The following WDR47 variants were observed in gnomAD, a reference collection of about 807,000 sequenced individuals.
WDR47 encodes the protein WD repeat domain 47, also known as WD repeat-containing protein 47.
In WDR47, 32 loss-of-function variants were observed where a neutral mutation model predicts 97.2. That is an observed-to-expected ratio of 0.33 (90% CI 0.25 to 0.44). The LOEUF is 0.44. WDR47 is among the 20% of genes least tolerant of loss of function. The pLI is 1.00. For synonymous variants in WDR47, 375 were observed against 373.5 expected (o/e 1.00, Z -0.05); for missense variants, 782 against 1,102.3 (o/e 0.71, Z 4.11).
chr1:109,016,397 GTC>G (rs1247120879), intron 3 of WDR47, among the ~76,000 whole-genome samples: 5 of 151,934 alleles, frequency 3.3e-5, no homozygotes, highest in African/African-American at 1.2e-4. Flanking sequence ...ATGAGACCCT[GTC>G]TCAAAAAAAA....
At position 108,981,795 on chromosome 1, in the gene WDR47, C is replaced by G; in HGVS notation, c.2336G>C (p.Arg779Thr). The G allele has an allele frequency of 1.9e-6, 3 of 1,614,016 alleles. No individual in the cohort carries two copies. The highest frequency in any genetic ancestry group is 2.5e-6 in the Non-Finnish European group (3 of 1,179,952). ...IASGSQDKTVRFWDLRVPSCV... is the reference protein window; with the variant it reads ...IASGSQDKTVTFWDLRVPSCV... ...ACTTGGTACTCGAAGATCCCAAAATCTAACAGTCTTATCTTGGGAACCAGA... is the reference window on the plus strand; with the variant it reads ...ACTTGGTACTCGAAGATCCCAAAATGTAACAGTCTTATCTTGGGAACCAGA... Residue 779 changes from arginine to threonine, a missense_variant, in exon 13 of 15, where the codon AGA becomes ACA. By Grantham distance (71) the Arg-to-Thr change is moderately conservative (BLOSUM62 -1). Transcript: ENST00000369962.
chr1:108,974,509 A>G (rs750404640), intron 14 of WDR47, 27 bp downstream of exon 14: 1 of 1,597,486 alleles, frequency 6.3e-7, no homozygotes, highest in Non-Finnish European at 8.6e-7. Context: ...AGGAAAGACT[A>G]AAAACAGAGA....
chr1:108,972,048 T>C (rs1378842895), intron 14 of WDR47, among the ~76,000 whole-genome samples: 2 of 152,174 alleles, frequency 1.3e-5, no homozygotes, highest in African/African-American at 2.4e-5. Flanking sequence ...AGTATCCAAA[T>C]AGTCATTCAA....
intron 1 of WDR47, among the ~76,000 whole-genome samples, chr1:109,034,005 T>C (rs558835748): frequency 6.6e-6 from 1 of 152,366 alleles, no homozygotes; most frequent in South Asian, 2.1e-4. Context: ...TACAAAAATG[T>C]TGGTGAAGCA....
chr1:109,040,085 C>T (rs1663251541), intron 1 of WDR47, among the ~76,000 whole-genome samples: 1 of 150,172 alleles, frequency 6.7e-6, no homozygotes, highest in Non-Finnish European at 1.5e-5. Context: ...TTCCAAAGTG[C>T]TTTCAACTCA....
intron 7 of WDR47, among the ~76,000 whole-genome samples, chr1:108,998,920 A>G (rs755043447): frequency 6.6e-6 from 1 of 152,164 alleles, no homozygotes; most frequent in Non-Finnish European, 1.5e-5. Context: ...ACAAAACTAG[A>G]GTCTAGAAAA....
chr1:109,037,033 A>T (rs780783361), intron 1 of WDR47, among the ~76,000 whole-genome samples: 1 of 152,032 alleles, frequency 6.6e-6, no homozygotes, highest in African/African-American at 2.4e-5. Context: ...CTCTTCTTAA[A>T]GTTTCAAAGA....
chr1:109,013,168 G>A (rs1276813372), intron 4 of WDR47, among the ~76,000 whole-genome samples: 1 of 152,200 alleles, frequency 6.6e-6, no homozygotes, highest in African/African-American at 2.4e-5. Context: ...CAGAGCACAG[G>A]CCCTCACCAG....
intron 10 of WDR47, among the ~76,000 whole-genome samples, chr1:108,985,476 G>A (rs1481081644): frequency 1.3e-5 from 2 of 152,018 alleles, no homozygotes; most frequent in African/African-American, 2.4e-5. Flanking sequence ...CTCACAGCAC[G>A]TTGTAATCTT....
intron 13 of WDR47, among the ~76,000 whole-genome samples, chr1:108,977,971 C>T (rs997249408): frequency 1.2e-4 from 17 of 140,410 alleles, no homozygotes; most frequent in African/African-American, 4.0e-4. Flanking sequence ...GTGACAAAAG[C>T]GAAACACTCT....
intron 4 of WDR47, among the ~76,000 whole-genome samples, chr1:109,012,556 G>A (rs1412830664): frequency 3.1e-5 from 3 of 98,286 alleles, no homozygotes; most frequent in African/African-American, 1.3e-4. Context: ...CTGGGTGACA[G>A]TGTGAGACTC....
intron 6 of WDR47, 74 bp downstream of exon 6, chr1:109,004,518 T>C: frequency 1.4e-6 from 2 of 1,469,096 alleles, no homozygotes; most frequent in Non-Finnish European, 1.8e-6. Context: ...AAATTCTTTT[T>C]ACATTCTAAG....
At chr1:109,018,268 G>A (rs1661564881) in intron 2 of WDR47, among the ~76,000 whole-genome samples, 1 of 151,594 alleles carries the variant, frequency 6.6e-6, no homozygotes, top group Non-Finnish European at 1.5e-5. Flanking sequence ...GCCCAACATG[G>A]CGAAACCCCG....
At chr1:109,028,361 G>GATTTTTT (rs1414813690) in intron 1 of WDR47, among the ~76,000 whole-genome samples, 1 of 27,616 alleles carries the variant, frequency 3.6e-5, no homozygotes, top group Non-Finnish European at 7.2e-5. Context: ...ATTTTTGTTG[G>GATTTTTT]GTTTTTTTTT....
At position 109,004,694 on chromosome 1, in the gene WDR47, C is replaced by T. The variant is rs766472020; in HGVS notation, c.1152G>A (p.Gln384=). The T allele has an allele frequency of 6.2e-7, 1 of 1,611,584 alleles. No individual in the cohort carries two copies. Among genetic ancestry groups the T allele is most frequent in the South Asian group, 1.1e-5 (1 of 90,586 alleles). The change falls in exon 6 of 15, where the codon CAG becomes CAA. Residue 384 remains glutamine (Q), a synonymous_variant. Transcript: ENST00000369962. The part of the protein sequence containing the change: ...SPERDTPVDA[Q]RPIGSEILGQ... ...CCAAGATTTCACTGCCGATAGGCCT[C>T]TGTGCATCAACAGGTGTATCACTTC...
chr1:109,021,192 C>G (rs981925149), intron 2 of WDR47, among the ~76,000 whole-genome samples: 1 of 152,108 alleles, frequency 6.6e-6, no homozygotes, highest in Non-Finnish European at 1.5e-5. Flanking sequence ...CCTTGCAATT[C>G]CACCTCTAAG....
At position 109,017,523 on chromosome 1, in the gene WDR47, T is replaced by G. The variant is rs746468222; in HGVS notation, c.237A>C (p.Lys79Asn). The change falls in exon 3 of 15, where the codon AAA becomes AAC. Residue 79 changes from lysine to asparagine, a missense_variant. Coordinates refer to ENST00000369962, the MANE Select transcript of WDR47 (RefSeq NM_001142551.2). The stretch of plus-strand genomic sequence containing the variant: ...AACTTTAGATAAAATCTTACCTTTT[T>G]TTGTCAAATTTTTCCATACATTCTA... ...QPLECMEKFD[K>N]KRFRYIILKQ... 1.2e-6 allele frequency: 2 copies of G among 1,611,830 alleles called. No homozygotes were observed. The highest frequency in any genetic ancestry group is 2.2e-5 in the South Asian group (2 of 90,546).
At chr1:109,029,391 G>A (rs1029683817) in intron 1 of WDR47, among the ~76,000 whole-genome samples, 3 of 152,068 alleles carry the variant, frequency 2.0e-5, no homozygotes, top group Non-Finnish European at 4.4e-5. Context: ...CAGGCGCAGT[G>A]GCTCATGCCT....
chr1:108,996,253 C>T (rs1659741977), intron 7 of WDR47, among the ~76,000 whole-genome samples: 1 of 152,016 alleles, frequency 6.6e-6, no homozygotes, highest in Non-Finnish European at 1.5e-5. Flanking sequence ...ACAGAGTCTC[C>T]CTATATGGCC....
Sources: gnomAD v4.1 joint callset for allele counts (sites outside exome capture counted in the v4.1 genomes callset) on GRCh38, gnomAD v4.1.1 for gene constraint, MANE v1.5 for transcripts, NCBI Gene and HGNC (gene_info 2026-07-23, HGNC 2026-07-21) for gene names.